The following FGF14 variants were observed in gnomAD, a reference collection of about 807,000 sequenced individuals.
The protein encoded by FGF14 is fibroblast growth factor homologous factor 4.
In FGF14, 5 loss-of-function variants were observed where a neutral mutation model predicts 25.5. That is an observed-to-expected ratio of 0.20 (90% CI 0.10 to 0.41). The LOEUF is 0.41. FGF14 is among the 10% of genes least tolerant of loss of function. FGF14 has a pLI of 1.00. For synonymous variants in FGF14, 138 were observed against 118.3 expected (o/e 1.17, Z -1.08); for missense variants, 222 against 320.1 (o/e 0.69, Z 2.34).
chr13:102,001,653 A>G (rs1219041920), intron 1 of FGF14, among the ~76,000 whole-genome samples: 2 of 152,350 alleles, frequency 1.3e-5, no homozygotes, highest in Admixed American at 1.3e-4. Context: ...AGTACCTTGC[A>G]GGGACATAAG....
chr13:102,064,552 T>C (rs2042823497), intron 1 of FGF14, among the ~76,000 whole-genome samples: 1 of 151,894 alleles, frequency 6.6e-6, no homozygotes, highest in Non-Finnish European at 1.5e-5. Context: ...ATATATATTA[T>C]ACTTATGGGA....
chr13:101,724,593 AT>A (rs1255795435), intron 4 of FGF14, among the ~76,000 whole-genome samples: 10 of 48,636 alleles, frequency 2.1e-4, no homozygotes, highest in East Asian at 1.4e-3. Context: ...AAGTATAATA[AT>A]AAAATATATA....
rs145680391 is a variant in FGF14, at chr13:101,774,863, G to T, written c.409-48053C>A. Among the ~76,000 whole-genome samples the T allele has an allele frequency of 1.0e-3, 153 of 151,460 alleles. 1 individual carries two copies. The highest frequency in any genetic ancestry group is 3.6e-3 in the African/African-American group (150 of 41,258). On this transcript the variant is annotated intron_variant, in intron 3 of 4. Coordinates refer to ENST00000376143, the MANE Select transcript of FGF14 (RefSeq NM_004115.4). ...AGGTCAGGAGTTCAAAACCAGACTG[G>T]CCAACATGGTGAAACCGTGTCTCTA...
At chr13:102,254,650 G>A (rs776580301) in intron 1 of FGF14, among the ~76,000 whole-genome samples, 9 of 152,178 alleles carry the variant, frequency 5.9e-5, no homozygotes, top group Admixed American at 1.3e-4. Context: ...CATTTGGGGG[G>A]CTAAAGAATT....
intron 1 of FGF14, among the ~76,000 whole-genome samples, chr13:102,118,491 TTAGA>T (rs1252443889): frequency 3.9e-5 from 6 of 152,148 alleles, no homozygotes; most frequent in African/African-American, 9.7e-5. Context: ...CTTGCGTTGC[TTAGA>T]TAAATGGTGG....
intron 3 of FGF14, among the ~76,000 whole-genome samples, chr13:101,792,730 G>T (rs2140097868): frequency 6.6e-6 from 1 of 152,136 alleles, no homozygotes; most frequent in Admixed American, 6.6e-5. Context: ...TTAAAAATGA[G>T]GAGAATTCAC....
At chr13:102,261,123 G>C (rs1206857200) in intron 1 of FGF14, among the ~76,000 whole-genome samples, 3 of 152,140 alleles carry the variant, frequency 2.0e-5, no homozygotes, top group African/African-American at 7.2e-5. Flanking sequence ...ATGACATCAG[G>C]CCCCAGCAAG....
In FGF14 at chr13:102,041,583, T is replaced by TAAAAAAAAAAAAAAA. The variant is rs11430268; in HGVS notation, c.209-166288_209-166287insTTTTTTTTTTTTTTT. Among the ~76,000 whole-genome samples the TAAAAAAAAAAAAAAA allele has an allele frequency of 8.9e-4, 127 of 141,910 alleles. 2 individuals are homozygous for TAAAAAAAAAAAAAAA. Among genetic ancestry groups the TAAAAAAAAAAAAAAA allele is most frequent in the African/African-American group, 3.3e-3 (123 of 37,786 alleles). The allele number at this position is 141,910 out of a possible 152,430, so 93.1% of individuals were successfully genotyped here. A position where few individuals can be genotyped will look rare whatever the true frequency, so the allele number is the denominator to read the frequency against. On this transcript the variant is annotated intron_variant, in intron 1 of 4. Transcript: ENST00000376131. Reference sequence around the variant, plus strand: ...GCAAAAATTACTTTGTGTTTCCATGTAAAAAAAAAAAAAGAGAGATTTTAT... The same window carrying TAAAAAAAAAAAAAAA: ...GCAAAAATTACTTTGTGTTTCCATGTAAAAAAAAAAAAAAAAAAAAAAAAAAAAGAGAGATTTTAT...
chr13:101,865,805 C>T (rs1291598901), intron 3 of FGF14, among the ~76,000 whole-genome samples: 4 of 152,056 alleles, frequency 2.6e-5, no homozygotes, highest in Admixed American at 6.6e-5. Flanking sequence ...ACTTCTAAAC[C>T]TATGGATCTT....
chr13:102,041,616 T>C (rs1347708018), intron 1 of FGF14, among the ~76,000 whole-genome samples: 3 of 150,180 alleles, frequency 2.0e-5, no homozygotes, highest in South Asian at 4.2e-4. Flanking sequence ...TATTAAAAAA[T>C]GTTTCCTTTA....
chr13:102,372,727 C>G lies in FGF14; in HGVS notation c.208+28744G>C, dbSNP rs548784589. ...ACAGAACTAGTCTCAGGACTTTTTC[C>G]TACCACTGTCAGGAAAAACAAGAAA... is the stretch of plus-strand genomic sequence containing the variant. On this transcript the variant is annotated intron_variant, in intron 1 of 4. Transcript: ENST00000376131. Among the ~76,000 whole-genome samples, 9 of 152,118 alleles carry G rather than the reference C, an allele frequency of 5.9e-5. No homozygotes were observed. The South Asian group carries it at 1.9e-3, about 32-fold the overall frequency.
chr13:101,897,898 AT>A (rs542364895), intron 1 of FGF14, among the ~76,000 whole-genome samples: 1 of 151,766 alleles, frequency 6.6e-6, no homozygotes, highest in South Asian at 2.1e-4. Context: ...AATTTATTTT[AT>A]TTTTTATTTT....
chr13:101,775,335 T>C (rs921767211), intron 3 of FGF14, among the ~76,000 whole-genome samples: 1 of 152,170 alleles, frequency 6.6e-6, no homozygotes, highest in Non-Finnish European at 1.5e-5. Flanking sequence ...GAACCTTGAA[T>C]CCATTTAGAA....
chr13:101,869,108 A>G (rs1158014804), intron 2 of FGF14, among the ~76,000 whole-genome samples: 1 of 152,212 alleles, frequency 6.6e-6, no homozygotes, highest in Non-Finnish European at 1.5e-5. Flanking sequence ...TCGTGCCTCT[A>G]GAAACACTGT....
chr13:102,079,443 A>ATTAT (rs892425130), intron 1 of FGF14, among the ~76,000 whole-genome samples: 4 of 152,104 alleles, frequency 2.6e-5, no homozygotes, highest in African/African-American at 7.2e-5. Flanking sequence ...ATTTACTTTT[A>ATTAT]TTATTTATTT....
At chr13:102,077,008 T>C (rs1364842595) in intron 1 of FGF14, among the ~76,000 whole-genome samples, 1 of 152,122 alleles carries the variant, frequency 6.6e-6, no homozygotes, top group Non-Finnish European at 1.5e-5. Flanking sequence ...AGGACAAAGA[T>C]GTCAATAACA....
At chr13:101,843,234 A>T (rs1269498475) in intron 3 of FGF14, among the ~76,000 whole-genome samples, 1 of 152,066 alleles carries the variant, frequency 6.6e-6, no homozygotes, top group Non-Finnish European at 1.5e-5. Flanking sequence ...TTTTTCCTCT[A>T]GCATTAAACC....
At chr13:101,735,092 A>G (rs1309506509) in intron 3 of FGF14, among the ~76,000 whole-genome samples, 1 of 152,096 alleles carries the variant, frequency 6.6e-6, no homozygotes, top group African/African-American at 2.4e-5. Flanking sequence ...TGGAGGAGAG[A>G]GAGAGTGGGG....
chr13:102,303,371 A>G (rs2055180262), intron 1 of FGF14, among the ~76,000 whole-genome samples: 1 of 152,218 alleles, frequency 6.6e-6, no homozygotes, highest in Non-Finnish European at 1.5e-5. Context: ...TGTTGTGCTT[A>G]CTTTATGGTT....
Sources: gnomAD v4.1 joint callset for allele counts (sites outside exome capture counted in the v4.1 genomes callset) on GRCh38, gnomAD v4.1.1 for gene constraint, MANE v1.5 for transcripts, NCBI Gene and HGNC (gene_info 2026-07-23, HGNC 2026-07-21) for gene names.